The following LCLAT1 variants were observed in gnomAD, a reference collection of about 807,000 sequenced individuals.
The protein encoded by LCLAT1 is lysocardiolipin acyltransferase 1, also known as 1-AGP acyltransferase 8.
Under a neutral mutation model 30.7 loss-of-function variants are expected in LCLAT1, and 11 were observed. The observed-to-expected ratio is 0.36, with a 90% confidence interval of 0.23 to 0.59. The LOEUF (loss-of-function observed/expected upper bound fraction) is 0.59. Ranked by LOEUF, LCLAT1 falls within the 20% of genes least tolerant of loss-of-function variation. LCLAT1 has a pLI of 0.77. For synonymous variants in LCLAT1, 155 were observed against 151.3 expected (o/e 1.02, Z -0.18); for missense variants, 402 against 458.6 (o/e 0.88, Z 1.13).
chr2:30,595,261 G>GT lies in LCLAT1; in HGVS notation c.628+27094dup, dbSNP rs879608950. Among the ~76,000 whole-genome samples, 18 of 152,108 alleles carry GT rather than the reference G, an allele frequency of 1.2e-4. No individual in the cohort carries two copies. In the South Asian group the frequency reaches 3.3e-3, roughly 28 times the overall value. On this transcript the variant is annotated intron_variant, in intron 5 of 5. Coordinates refer to ENST00000379509, the MANE Select transcript of LCLAT1 (RefSeq NM_001002257.3). ...CTCCTGACCACTATCCTTTGTGGGG[G>GT]TTTTTTTTTCCCCCATTCCACGTCT... is the stretch of plus-strand genomic sequence containing the variant.
chr2:30,506,891 GA>G (rs971149921), intron 1 of LCLAT1, among the ~76,000 whole-genome samples: 4 of 151,968 alleles, frequency 2.6e-5, no homozygotes, highest in Non-Finnish European at 4.4e-5. Flanking sequence ...AACGTTTATG[GA>G]AAAAAACAAT....
rs1336005667 is a variant in LCLAT1 at position 30,642,452 on chromosome 2, A to G, written c.*1833A>G. Reference sequence around the variant, plus strand: ...CACCTTTTTTTGTTGTTTCCCCTTAATAAAAGAGGTTTCTAATTTATGTTT... The same window carrying G: ...CACCTTTTTTTGTTGTTTCCCCTTAGTAAAAGAGGTTTCTAATTTATGTTT... On this transcript the variant is annotated 3_prime_UTR_variant, in exon 6 of 6. Coordinates refer to ENST00000379509, the MANE Select transcript of LCLAT1 (RefSeq NM_001002257.3). 1.3e-5 allele frequency: 2 copies of G among 148,660 alleles called. No individual in the cohort carries two copies. Among genetic ancestry groups the G allele is most frequent in the Non-Finnish European group, 3.0e-5 (2 of 67,082 alleles). 9.2% of individuals were successfully genotyped at this position (148,660 alleles called of 1,614,324 possible). A position where few individuals can be genotyped will look rare whatever the true frequency, so the allele number is the denominator to read the frequency against.
intron 1 of LCLAT1, among the ~76,000 whole-genome samples, chr2:30,468,448 T>A (rs1486228393): frequency 6.6e-6 from 1 of 152,228 alleles, no homozygotes; most frequent in African/African-American, 2.4e-5. Context: ...TAATTGAAAT[T>A]TCCATTGTGG....
intron 3 of LCLAT1, among the ~76,000 whole-genome samples, chr2:30,543,467 T>G (rs1441093294): frequency 6.6e-6 from 1 of 152,146 alleles, no homozygotes; most frequent in Non-Finnish European, 1.5e-5. Context: ...TGTTCTCTCC[T>G]TGCGTGTTTT....
chr2:30,491,226 GA>G (rs1270380326), intron 1 of LCLAT1, among the ~76,000 whole-genome samples: 1 of 152,094 alleles, frequency 6.6e-6, no homozygotes, highest in Admixed American at 6.5e-5. Flanking sequence ...ATTGGCCATG[GA>G]TAAAGTATAT....
intron 3 of LCLAT1, among the ~76,000 whole-genome samples, chr2:30,537,067 G>T (rs1361853241): frequency 6.6e-6 from 1 of 152,204 alleles, no homozygotes; most frequent in Admixed American, 6.5e-5. Flanking sequence ...GCAGGAGTAG[G>T]TATAGTGTAT....
At chr2:30,484,360 A>C (rs1188385101) in intron 1 of LCLAT1, among the ~76,000 whole-genome samples, 1 of 152,152 alleles carries the variant, frequency 6.6e-6, no homozygotes, top group Non-Finnish European at 1.5e-5. Context: ...GGCCTTCCCA[A>C]ATCAGTCATT....
chr2:30,594,265 A>G lies in LCLAT1; in HGVS notation c.628+26089A>G, dbSNP rs138290280. On this transcript the variant is annotated intron_variant, in intron 5 of 5. Transcript: ENST00000379509. ...GAATACATGTGTTTCTCCATATTCAATCCTACTGATTCATATAGTTTTTTC... is the reference window on the plus strand; with the variant it reads ...GAATACATGTGTTTCTCCATATTCAGTCCTACTGATTCATATAGTTTTTTC... Among the ~76,000 whole-genome samples the G allele has an allele frequency of 1.8e-3, 281 of 152,244 alleles. 1 individual carries two copies. Among genetic ancestry groups the G allele is most frequent in the African/African-American group, 6.3e-3 (262 of 41,538 alleles).
At chr2:30,489,099 A>G (rs1683705044) in intron 1 of LCLAT1, 1 of 152,182 alleles carries the variant, frequency 6.6e-6, no homozygotes, top group South Asian at 2.1e-4. Context: ...CTAGCCCTAG[A>G]TCTGCTACAG....
rs141421795 is a variant in LCLAT1, at chr2:30,508,095, T to C, written c.-4-17492T>C. Among the ~76,000 whole-genome samples, 549 of 152,342 alleles carry C rather than the reference T, an allele frequency of 3.6e-3. 2 individuals are homozygous for C. Among genetic ancestry groups the C allele is most frequent in the African/African-American group, 0.011 (477 of 41,588 alleles). On this transcript the variant is annotated intron_variant, in intron 1 of 5. Coordinates refer to ENST00000379509, the MANE Select transcript of LCLAT1 (RefSeq NM_001002257.3). ...CGTTGGCCACATGTATGTCTTCTTTTGAAAAGTGTCTGTTCATGTCTTTTG... is the reference window on the plus strand; with the variant it reads ...CGTTGGCCACATGTATGTCTTCTTTCGAAAAGTGTCTGTTCATGTCTTTTG...
intron 1 of LCLAT1, among the ~76,000 whole-genome samples, chr2:30,483,018 G>A (rs886771101): frequency 1.3e-5 from 2 of 152,142 alleles, no homozygotes; most frequent in Non-Finnish European, 2.9e-5. Context: ...TGGAACCCTG[G>A]TGCAGAAGAA....
chr2:30,501,309 T>C (rs1357966727), intron 1 of LCLAT1, among the ~76,000 whole-genome samples: 1 of 152,188 alleles, frequency 6.6e-6, no homozygotes, highest in African/African-American at 2.4e-5. Flanking sequence ...AGTGCTTTGG[T>C]AACAAATGCC....
chr2:30,548,507 A>G (rs2148419932), intron 3 of LCLAT1, among the ~76,000 whole-genome samples: 1 of 152,356 alleles, frequency 6.6e-6, no homozygotes, highest in Non-Finnish European at 1.5e-5. Context: ...ACCTGGGATT[A>G]ATGGAAAGGA....
intron 5 of LCLAT1, among the ~76,000 whole-genome samples, chr2:30,596,709 T>TG (rs1162350103): frequency 1.3e-5 from 2 of 150,352 alleles, no homozygotes; most frequent in African/African-American, 4.9e-5. Context: ...CATCATGAAA[T>TG]CTTTGCCCAT....
At chr2:30,510,972 A>G (rs942663974) in intron 1 of LCLAT1, among the ~76,000 whole-genome samples, 2 of 152,122 alleles carry the variant, frequency 1.3e-5, no homozygotes, top group African/African-American at 4.8e-5. Context: ...TGAAAATGTT[A>G]AAGATAGTTT....
intron 1 of LCLAT1, among the ~76,000 whole-genome samples, chr2:30,458,823 A>G (rs1045532355): frequency 1.3e-5 from 2 of 152,200 alleles, no homozygotes; most frequent in African/African-American, 4.8e-5. Context: ...ATTCCCAGCT[A>G]CTATGCCATT....
At chr2:30,525,500 T>C in intron 1 of LCLAT1, 87 bp from the exon 2 acceptor site, 1 of 1,017,176 alleles carries the variant, frequency 9.8e-7, no homozygotes, top group Non-Finnish European at 1.5e-6. Flanking sequence ...CTAAAATTAG[T>C]GATCATTCTA....
intron 5 of LCLAT1, among the ~76,000 whole-genome samples, chr2:30,578,415 G>C (rs1291557650): frequency 6.6e-6 from 1 of 152,142 alleles, no homozygotes; most frequent in Non-Finnish European, 1.5e-5. Context: ...AGGCATGTTA[G>C]CCAAGCTGAG....
chr2:30,505,630 T>C (rs1684621529), intron 1 of LCLAT1, among the ~76,000 whole-genome samples: 1 of 152,106 alleles, frequency 6.6e-6, no homozygotes, highest in Non-Finnish European at 1.5e-5. Flanking sequence ...CAGCAGCCAG[T>C]TAAAGAAACA....
Sources: allele counts gnomAD v4.1 joint callset (sites outside exome capture counted in the v4.1 genomes callset), GRCh38; gene constraint gnomAD v4.1.1; transcripts MANE v1.5; gene names NCBI Gene and HGNC (gene_info 2026-07-23, HGNC 2026-07-21).